Variants in CRAMP1 observed in about 807,000 individuals in gnomAD.
CRAMP1 encodes protein cramped-like.
CRAMP1 carries 50 observed loss-of-function variants against 115.4 expected under a neutral mutation model. The ratio of observed to expected loss-of-function variants is 0.43; its 90% confidence interval spans 0.35 to 0.55. The LOEUF (loss-of-function observed/expected upper bound fraction) is 0.55. Among genes scored for constraint, CRAMP1 ranks in the 20% least tolerant of loss-of-function variants. The pLI is 0.01. For missense variants in CRAMP1, 1,679 were observed against 1,721.7 expected (o/e 0.98, Z 0.44); for synonymous variants, 866 against 745.4 (o/e 1.16, Z -2.64).
At chr16:1,630,266 C>G (rs1430956172) in intron 3 of CRAMP1, among the ~76,000 whole-genome samples, 2 of 152,088 alleles carry the variant, frequency 1.3e-5, no homozygotes, top group East Asian at 3.9e-4. Context: ...ATCCTCCTGC[C>G]TCAGCCTCCC....
At chr16:1,631,104 T>C (rs2036545338) in intron 3 of CRAMP1, among the ~76,000 whole-genome samples, 1 of 152,244 alleles carries the variant, frequency 6.6e-6, no homozygotes, top group Non-Finnish European at 1.5e-5. Context: ...GTTGTTACTG[T>C]GCTGTTTGCT....
chr16:1,650,814 A>G (rs2036716192), intron 6 of CRAMP1, among the ~76,000 whole-genome samples: 1 of 152,260 alleles, frequency 6.6e-6, no homozygotes, highest in Non-Finnish European at 1.5e-5. Context: ...TGGTTAAGGC[A>G]GAAAGCCGTA....
In CRAMP1 at chr16:1,641,191, A is replaced by C. The variant is rs1318543858; in HGVS notation, c.827+4A>C. 6.2e-7 allele frequency: 1 copy of C among 1,606,118 alleles called. No individual in the cohort carries two copies. Among genetic ancestry groups the C allele is most frequent in the Non-Finnish European group, 8.5e-7 (1 of 1,172,864 alleles). On this transcript the variant is annotated splice_donor_region_variant and intron_variant, in intron 6 of 20. Transcript: ENST00000397412. Reference sequence around the variant, plus strand: ...TGAATGAACTCATTCAGGTTGGGTAAGTCCCAGTTTCCATGTGAAACATCA... The same window carrying C: ...TGAATGAACTCATTCAGGTTGGGTACGTCCCAGTTTCCATGTGAAACATCA...
rs946879586 is a variant in CRAMP1 at position 1,669,510 on chromosome 16, G to A, written c.3499+345G>A. Among the ~76,000 whole-genome samples the A allele has an allele frequency of 3.9e-5, 6 of 152,166 alleles. No individual in the cohort carries two copies. Among genetic ancestry groups the A allele is most frequent in the Admixed American group, 3.9e-4 (6 of 15,280 alleles). On this transcript the variant is annotated intron_variant, in intron 19 of 20. Transcript: ENST00000397412. The surrounding 1 kb of genome is among the most constrained non-coding windows in gnomAD (Gnocchi z 4.6). Reference sequence around the variant, plus strand: ...GCCCCTCCCGACTGGGTTCTCTTGAGGGGAGAAAAGGAAACTGGTGTCTTG... The same window carrying A: ...GCCCCTCCCGACTGGGTTCTCTTGAAGGGAGAAAAGGAAACTGGTGTCTTG...
intron 2 of CRAMP1, among the ~76,000 whole-genome samples, chr16:1,619,039 A>G (rs1054315187): frequency 3.9e-5 from 6 of 152,156 alleles, no homozygotes; most frequent in East Asian, 1.9e-4. Flanking sequence ...TCATTTTTGT[A>G]TCTTATTGTG....
At chr16:1,621,736 G>A (rs901610616) in intron 2 of CRAMP1, among the ~76,000 whole-genome samples, 2 of 152,066 alleles carry the variant, frequency 1.3e-5, no homozygotes, top group African/African-American at 4.8e-5. Context: ...AGAGTGCACT[G>A]TTGGCGATCC....
At position 1,667,491 on chromosome 16, in the gene CRAMP1, C is replaced by G; in HGVS notation, c.3102+91C>G. 5.1e-6 allele frequency: 5 copies of G among 988,138 alleles called. No homozygotes were observed. In the South Asian group the frequency reaches 6.6e-5, roughly 13 times the overall value. The allele number at this position is 988,138 out of a possible 1,614,324, so 61.2% of individuals were successfully genotyped here. A position where few individuals can be genotyped will look rare whatever the true frequency, so the allele number is the denominator to read the frequency against. On this transcript the variant is annotated intron_variant, in intron 17 of 20. Transcript: ENST00000397412. ...TGCCACCTGCAGTCTTGGAGTGGCCCGGCTTCTCTCCTAGACTGTGCAGTG... is the reference window on the plus strand; with the variant it reads ...TGCCACCTGCAGTCTTGGAGTGGCCGGGCTTCTCTCCTAGACTGTGCAGTG...
At chr16:1,626,451 A>G (rs925408841) in intron 3 of CRAMP1, among the ~76,000 whole-genome samples, 4 of 151,836 alleles carry the variant, frequency 2.6e-5, no homozygotes, top group Admixed American at 6.6e-5. Context: ...TTGTCTCTCA[A>G]AGATGTTCTT....
At chr16:1,625,742 C>T (rs565571892) in intron 2 of CRAMP1, 1 of 466,236 alleles carries the variant, frequency 2.1e-6, no homozygotes, top group Non-Finnish European at 3.8e-6. Context: ...AAATCTTGCT[C>T]CTTTTCTAAC....
chr16:1,641,323 C>T, intron 6 of CRAMP1, 136 bp downstream of exon 6: 2 of 688,810 alleles, frequency 2.9e-6, no homozygotes, highest in South Asian at 3.5e-5. Flanking sequence ...CGTGTTCAGT[C>T]CCAACAAAAG....
At chr16:1,654,561 A>G (rs952562799) in intron 8 of CRAMP1, among the ~76,000 whole-genome samples, 1 of 152,120 alleles carries the variant, frequency 6.6e-6, no homozygotes, top group African/African-American at 2.4e-5. Flanking sequence ...ACACGATCAC[A>G]TTGTTCTGTG....
intron 14 of CRAMP1, among the ~76,000 whole-genome samples, 159 bp downstream of exon 14, chr16:1,665,297 A>G (rs908287245): frequency 1.3e-5 from 2 of 152,172 alleles, no homozygotes; most frequent in African/African-American, 4.8e-5. Context: ...GCTGGGCTGC[A>G]GGCTGCGGTG....
Position 1,656,347 on chromosome 16 carries a change from C to T in CRAMP1, c.1590C>T (p.Gly530=), listed in dbSNP as rs2036773520. The change falls in exon 10 of 21, where the codon GGC becomes GGT. Residue 530 remains glycine (G), a synonymous_variant. Transcript: ENST00000397412. The surrounding 1 kb of genome is among the most constrained non-coding windows in gnomAD (Gnocchi z 5.6). ...GPCLEKTPAE[G]RDSPTREPGA... ...GTCTTGAGAAGACCCCTGCAGAAGG[C>T]AGGGACAGTCCCACCCGGGAGCCAG... The T allele has an allele frequency of 1.2e-6, 2 of 1,607,640 alleles. No individual in the cohort carries two copies. Among genetic ancestry groups the T allele is most frequent in the African/African-American group, 1.3e-5 (1 of 74,918 alleles).
At chr16:1,631,824 G>C (rs927087888) in intron 3 of CRAMP1, among the ~76,000 whole-genome samples, 43 of 152,226 alleles carry the variant, frequency 2.8e-4, no homozygotes, top group African/African-American at 9.2e-4. Context: ...TTTCTGATCT[G>C]TTCTTTAAGA....
At chr16:1,652,266 G>A (rs1166902134) in intron 6 of CRAMP1, among the ~76,000 whole-genome samples, 1 of 152,224 alleles carries the variant, frequency 6.6e-6, no homozygotes, top group Non-Finnish European at 1.5e-5. Flanking sequence ...TCTGTAAACA[G>A]CAGGTGTCCC....
In CRAMP1 at chr16:1,666,673, G is replaced by C; in HGVS notation, c.3036+73G>C. 1.5e-6 allele frequency: 2 copies of C among 1,373,266 alleles called. No homozygotes were observed. The highest frequency in any genetic ancestry group is 2.1e-6 in the Non-Finnish European group (2 of 973,870). The allele number at this position is 1,373,266 out of a possible 1,614,324, so 85.1% of individuals were successfully genotyped here. ...GTGGACGCCAAAGCCATGGGGCTGAGATCACGCTGGACTCCAGCTCTGCCT... is the reference window on the plus strand; with the variant it reads ...GTGGACGCCAAAGCCATGGGGCTGACATCACGCTGGACTCCAGCTCTGCCT... On this transcript the variant is annotated intron_variant, in intron 16 of 20. Coordinates refer to ENST00000397412, the MANE Select transcript of CRAMP1 (RefSeq NM_020825.4). The surrounding 1 kb of genome is among the most constrained non-coding windows in gnomAD (Gnocchi z 5.0).
intron 8 of CRAMP1, 137 bp downstream of exon 8, chr16:1,653,293 A>C: frequency 9.4e-7 from 1 of 1,060,394 alleles, no homozygotes; most frequent in Non-Finnish European, 1.3e-6. Flanking sequence ...AGGACGCAGC[A>C]GTGTGGAGGC....
At chr16:1,654,850 C>G (rs1183260362) in intron 8 of CRAMP1, among the ~76,000 whole-genome samples, 1 of 152,252 alleles carries the variant, frequency 6.6e-6, no homozygotes, top group Non-Finnish European at 1.5e-5. Flanking sequence ...TCATGTACTT[C>G]TCCCTCAGAA....
intron 14 of CRAMP1, chr16:1,665,852 C>T (rs944537201): frequency 3.6e-6 from 2 of 562,996 alleles, no homozygotes; most frequent in African/African-American, 3.8e-5. Flanking sequence ...TCCAGTAGCT[C>T]CTGGGAGGCA....
Sources: gnomAD v4.1 joint callset for allele counts (sites outside exome capture counted in the v4.1 genomes callset) on GRCh38, gnomAD v4.1.1 for gene constraint, Gnocchi (gnomAD v3.1) non-coding constraint, MANE v1.5 for transcripts, NCBI Gene and HGNC (gene_info 2026-07-23, HGNC 2026-07-21) for gene names.